The following FILIP1 variants were observed in gnomAD, a reference collection of about 807,000 sequenced individuals.
The protein encoded by FILIP1 is filamin-A-interacting protein 1.
FILIP1 carries 61 observed loss-of-function variants against 102.1 expected under a neutral mutation model. That is an observed-to-expected ratio of 0.60 (90% CI 0.49 to 0.74). The LOEUF is 0.74. FILIP1 is among the 30% of genes least tolerant of loss of function. The pLI, the probability that FILIP1 is intolerant of heterozygous loss-of-function variation, is 0.00. For synonymous variants in FILIP1, 491 were observed against 526.9 expected (o/e 0.93, Z 0.93); for missense variants, 1,314 against 1,441.2 (o/e 0.91, Z 1.43).
chr6:75,319,990 T>A (rs1165262756), intron 4 of FILIP1: 4 of 341,582 alleles, frequency 1.2e-5, no homozygotes, highest in Non-Finnish European at 1.6e-5. Context: ...TGTTTAGTTA[T>A]TTTTCTTCAG....
At chr6:75,300,285 G>C (rs1772802880) in intron 6 of FILIP1, among the ~76,000 whole-genome samples, 1 of 152,162 alleles carries the variant, frequency 6.6e-6, no homozygotes, top group Middle Eastern at 3.2e-3. Context: ...TGTACACCAA[G>C]TTACAGAACA....
intron 1 of FILIP1, among the ~76,000 whole-genome samples, chr6:75,451,081 G>A (rs1778616255): frequency 1.3e-5 from 2 of 152,046 alleles, no homozygotes; most frequent in African/African-American, 4.8e-5. Flanking sequence ...GGGAGTGAGA[G>A]GAAACCACAT....
chr6:75,312,877 T>C lies in FILIP1; in HGVS notation c.2955A>G (p.Thr985=). 6.2e-7 allele frequency: 1 copy of C among 1,614,084 alleles called. No individual in the cohort carries two copies. The highest frequency in any genetic ancestry group is 1.7e-5 in the Admixed American group (1 of 60,006). ...TTTCTGGAGTCTTCTCTCTGGAAAATGTAGTAATTGTGACTGGGGACATGG... is the reference window on the plus strand; with the variant it reads ...TTTCTGGAGTCTTCTCTCTGGAAAACGTAGTAATTGTGACTGGGGACATGG... ...ERAMSPVTIT[T]FSREKTPESG... The change falls in exon 5 of 6, where the codon ACA becomes ACG. Residue 985 remains threonine (T), a synonymous_variant. Coordinates refer to ENST00000237172, the MANE Select transcript of FILIP1 (RefSeq NM_015687.5).
At chr6:75,298,916 T>A (rs1339273032) in intron 6 of FILIP1, among the ~76,000 whole-genome samples, 2 of 151,594 alleles carry the variant, frequency 1.3e-5, no homozygotes, top group African/African-American at 4.8e-5. Context: ...AGACTCAGTC[T>A]CAAAAAAAAA....
At chr6:75,413,502 T>C (rs1357641387) in intron 2 of FILIP1, among the ~76,000 whole-genome samples, 1 of 152,114 alleles carries the variant, frequency 6.6e-6, no homozygotes, top group African/African-American at 2.4e-5. Context: ...TTGAGTTTTG[T>C]ATGTTGTTTG....
intron 1 of FILIP1, among the ~76,000 whole-genome samples, chr6:75,491,112 T>C (rs997647163): frequency 6.6e-6 from 1 of 152,130 alleles, no homozygotes; most frequent in African/African-American, 2.4e-5. Flanking sequence ...AAAGAATCAC[T>C]TCTAAAATGT....
At chr6:75,312,077 A>T (rs1399160831) in intron 5 of FILIP1, among the ~76,000 whole-genome samples, 2 of 152,302 alleles carry the variant, frequency 1.3e-5, no homozygotes, top group African/African-American at 2.4e-5. Flanking sequence ...AGTATCTTAA[A>T]CATTAAAATC....
At chr6:75,352,957 G>C (rs963252005) in intron 4 of FILIP1, among the ~76,000 whole-genome samples, 42 of 151,058 alleles carry the variant, frequency 2.8e-4, no homozygotes, top group African/African-American at 1.0e-3. Context: ...TCTATTTGAA[G>C]CAATCTAGTT....
chr6:75,445,832 T>G (rs1301756929), intron 1 of FILIP1, among the ~76,000 whole-genome samples: 1 of 151,760 alleles, frequency 6.6e-6, no homozygotes, highest in East Asian at 1.9e-4. Flanking sequence ...TTTTTCCTTC[T>G]TCATTTATTC....
intron 1 of FILIP1, among the ~76,000 whole-genome samples, chr6:75,436,558 T>C (rs1240549863): frequency 6.6e-6 from 1 of 152,192 alleles, no homozygotes; most frequent in East Asian, 1.9e-4. Context: ...AGCATACTTT[T>C]GTCACAAATC....
intron 2 of FILIP1, among the ~76,000 whole-genome samples, chr6:75,409,714 G>C (rs1776991474): frequency 6.6e-6 from 1 of 152,026 alleles, no homozygotes. Context: ...TTCTCCAATT[G>C]CTCCTATAGA....
chr6:75,434,509 G>A (rs951981586), intron 1 of FILIP1, among the ~76,000 whole-genome samples: 18 of 152,154 alleles, frequency 1.2e-4, no homozygotes, highest in Non-Finnish European at 2.4e-4. Context: ...TTGGTGTAAA[G>A]GAATGCTTGT....
At chr6:75,370,677 A>G (rs57891179) in intron 2 of FILIP1, among the ~76,000 whole-genome samples, 1,649 of 150,220 alleles carry the variant, frequency 0.011, 34 homozygotes, top group African/African-American at 0.039. Context: ...CCCAGGTTCA[A>G]GCGATTCTCC....
intron 2 of FILIP1, among the ~76,000 whole-genome samples, chr6:75,365,451 A>G (rs2149616339): frequency 6.6e-6 from 1 of 152,104 alleles, no homozygotes; most frequent in South Asian, 2.1e-4. Context: ...GCTCACTGCA[A>G]CCTCCACCTC....
At chr6:75,447,106 A>C (rs1195907414) in intron 1 of FILIP1, among the ~76,000 whole-genome samples, 1 of 152,168 alleles carries the variant, frequency 6.6e-6, no homozygotes, top group East Asian at 1.9e-4. Flanking sequence ...CGATTAAGGC[A>C]TAAGGATGGT....
intron 2 of FILIP1, among the ~76,000 whole-genome samples, chr6:75,368,522 A>G (rs1775413396): frequency 6.6e-6 from 1 of 152,236 alleles, no homozygotes; most frequent in South Asian, 2.1e-4. Flanking sequence ...GGTGTTTACA[A>G]TATGACATAG....
At chr6:75,337,294 G>A (rs1466727445) in intron 4 of FILIP1, among the ~76,000 whole-genome samples, 1 of 152,210 alleles carries the variant, frequency 6.6e-6, no homozygotes, top group African/African-American at 2.4e-5. Context: ...TAGAGACAGA[G>A]TATCCAGGCT....
At position 75,438,597 on chromosome 6, in the gene FILIP1, T is replaced by C. The variant is rs115059054; in HGVS notation, c.-6-23619A>G. Among the ~76,000 whole-genome samples, 1,225 of 152,038 alleles carry C rather than the reference T, an allele frequency of 8.1e-3. 19 individuals are homozygous for C. The highest frequency in any genetic ancestry group is 0.028 in the African/African-American group (1,147 of 41,418). On this transcript the variant is annotated intron_variant, in intron 1 of 5. Transcript: ENST00000237172. ...CAATTAGCATAGGGCTTTCACATAA[T>C]GCACAAGCAACAAATCTTGGTGCAA...
At chr6:75,354,231 G>A (rs1032140865) in intron 3 of FILIP1, among the ~76,000 whole-genome samples, 4 of 152,184 alleles carry the variant, frequency 2.6e-5, no homozygotes, top group African/African-American at 9.7e-5. Context: ...CCTACAACCA[G>A]TGTTTAGGAG....
Sources: gnomAD v4.1 joint callset for allele counts (sites outside exome capture counted in the v4.1 genomes callset) on GRCh38, gnomAD v4.1.1 for gene constraint, MANE v1.5 for transcripts, NCBI Gene and HGNC (gene_info 2026-07-23, HGNC 2026-07-21) for gene names.